Variants in SLC45A4 observed in about 807,000 individuals in gnomAD.
SLC45A4 encodes solute carrier family 45 member 4.
In SLC45A4, 32 loss-of-function variants were observed where a neutral mutation model predicts 63.7. That is an observed-to-expected ratio of 0.50 (90% confidence interval 0.38 to 0.67). SLC45A4 has a LOEUF of 0.67. SLC45A4 is among the 30% of genes least tolerant of loss of function. The pLI, the probability that SLC45A4 is intolerant of heterozygous loss-of-function variation, is 0.00. For synonymous variants in SLC45A4, 535 were observed against 510.0 expected (o/e 1.05, Z -0.66); for missense variants, 1,027 against 1,157.7 (o/e 0.89, Z 1.64).
chr8:141,264,410 C>T (rs1007835227), intron 1 of SLC45A4, among the ~76,000 whole-genome samples: 2 of 152,124 alleles, frequency 1.3e-5, no homozygotes, highest in Admixed American at 6.5e-5. Context: ...TACCTAGCCG[C>T]GGGAGGCAGA....
intron 1 of SLC45A4, among the ~76,000 whole-genome samples, chr8:141,284,898 G>A (rs932650703): frequency 3.3e-5 from 5 of 151,440 alleles, no homozygotes; most frequent in African/African-American, 9.7e-5. Flanking sequence ...TCCCTGCCAC[G>A]GCTGACATTT....
At chr8:141,236,159 C>T (rs1048733989) in intron 2 of SLC45A4, among the ~76,000 whole-genome samples, 9 of 152,268 alleles carry the variant, frequency 5.9e-5, no homozygotes, top group Admixed American at 4.6e-4. Flanking sequence ...CCCCTGCCTG[C>T]GTAGAGCCTG....
intron 1 of SLC45A4, among the ~76,000 whole-genome samples, chr8:141,264,209 A>T (rs1363998603): frequency 6.6e-6 from 1 of 152,080 alleles, no homozygotes; most frequent in Non-Finnish European, 1.5e-5. Context: ...GAGGCCTTGG[A>T]TCCATATGCT....
At chr8:141,228,390 C>T in intron 2 of SLC45A4, 1 of 1,495,132 alleles carries the variant, frequency 6.7e-7, no homozygotes, top group Non-Finnish European at 8.9e-7. Context: ...TGGCCAGACC[C>T]AAGCAGGACG....
intron 1 of SLC45A4, among the ~76,000 whole-genome samples, chr8:141,260,906 G>A (rs1829016330): frequency 6.6e-6 from 1 of 152,160 alleles, no homozygotes; most frequent in Non-Finnish European, 1.5e-5. Flanking sequence ...ACCAAAGCCT[G>A]GCAGAGACAG....
In SLC45A4 at chr8:141,211,184, A is replaced by G. The variant is rs1825781870; in HGVS notation, c.*388T>C. The G allele has an allele frequency of 2.7e-6, 1 of 372,436 alleles. No individual in the cohort carries two copies. Among genetic ancestry groups the G allele is most frequent in the Non-Finnish European group, 4.8e-6 (1 of 208,108 alleles). 23.1% of individuals were successfully genotyped at this position (372,436 alleles called of 1,614,324 possible). A position where few individuals can be genotyped will look rare whatever the true frequency, so the allele number is the denominator to read the frequency against. ...AGGGCCCGCTGGGAGCTCTGCTCTC[A>G]GGAATCCCCAGCAAATGGTTTAGAG... On this transcript the variant is annotated 3_prime_UTR_variant, in exon 9 of 9. Coordinates refer to ENST00000517878, the MANE Select transcript of SLC45A4 (RefSeq NM_001286646.2).
intron 2 of SLC45A4, among the ~76,000 whole-genome samples, chr8:141,232,074 T>G (rs1190029690): frequency 6.6e-6 from 1 of 152,190 alleles, no homozygotes; most frequent in Non-Finnish European, 1.5e-5. Flanking sequence ...GCTCTGCATC[T>G]CTCCTCTGCC....
At position 141,299,770 on chromosome 8, in the gene SLC45A4, GTTC is replaced by G. The variant is rs1156245051; in HGVS notation, c.-401+8323_-401+8325del. ...GAACCAGCTGGACTCTGCTGTACCT[GTTC>G]TTCTTCAGCAGCCAAAACGTTTCTC... On this transcript the variant is annotated intron_variant, in intron 1 of 8. Transcript: ENST00000517878. Among the ~76,000 whole-genome samples the G allele has an allele frequency of 3.9e-5, 6 of 152,330 alleles. No individual in the cohort carries two copies. In the East Asian group the frequency reaches 7.7e-4, roughly 20 times the overall value.
intron 5 of SLC45A4, 118 bp downstream of exon 5, chr8:141,217,893 G>A: frequency 2.4e-6 from 3 of 1,257,938 alleles, no homozygotes; most frequent in South Asian, 2.9e-5. Context: ...GAGGCACTGT[G>A]TGGCCTCCCT....
intron 2 of SLC45A4, among the ~76,000 whole-genome samples, chr8:141,249,911 A>G (rs1200072647): frequency 6.6e-6 from 1 of 152,180 alleles, no homozygotes; most frequent in African/African-American, 2.4e-5. Context: ...ACCTGTAAAA[A>G]TACCTTCTAT....
At chr8:141,269,464 CTGTGTGTG>C (rs10573168) in intron 1 of SLC45A4, among the ~76,000 whole-genome samples, 9 of 147,296 alleles carry the variant, frequency 6.1e-5, no homozygotes, top group Middle Eastern at 3.4e-3. Flanking sequence ...GCCTATGTGT[CTGTGTGTG>C]TGTGTGTGTG....
chr8:141,292,164 G>C (rs1830371711), intron 1 of SLC45A4, among the ~76,000 whole-genome samples: 1 of 152,208 alleles, frequency 6.6e-6, no homozygotes, highest in South Asian at 2.1e-4. Flanking sequence ...AGACAAGCGG[G>C]TGTCCATGCA....
chr8:141,258,042 CTTTT>C (rs1442852095), intron 1 of SLC45A4, among the ~76,000 whole-genome samples: 2 of 148,946 alleles, frequency 1.3e-5, no homozygotes, highest in Non-Finnish European at 3.0e-5. Context: ...GTACATTCTC[CTTTT>C]TTGTTTCTTC....
intron 1 of SLC45A4, among the ~76,000 whole-genome samples, chr8:141,258,082 T>TTA (rs1554597049): frequency 1.2e-3 from 142 of 114,506 alleles, no homozygotes; most frequent in Admixed American, 2.4e-3. Flanking sequence ...TTTTTTTTTT[T>TTA]AACAATCCTT....
Position 141,227,213 on chromosome 8 carries a change from G to A in SLC45A4, c.242-5448C>T, listed in dbSNP as rs1827059114. 6.6e-6 allele frequency among the ~76,000 whole-genome samples: 1 copy of A among 152,208 alleles called. No individual in the cohort carries two copies. Among genetic ancestry groups the A allele is most frequent in the Non-Finnish European group, 1.5e-5 (1 of 68,046 alleles). Reference sequence around the variant, plus strand: ...CACAGGAAATACTGTGTCACCGCTCGGCCGCAGGCTGTGTGAGGTCACGGG... The same window carrying A: ...CACAGGAAATACTGTGTCACCGCTCAGCCGCAGGCTGTGTGAGGTCACGGG... On this transcript the variant is annotated intron_variant, in intron 2 of 8. Coordinates refer to ENST00000517878, the MANE Select transcript of SLC45A4 (RefSeq NM_001286646.2). The surrounding 1 kb of genome is among the most constrained non-coding windows in gnomAD (Gnocchi z 4.4).
chr8:141,299,365 G>C (rs1019052398), intron 1 of SLC45A4, among the ~76,000 whole-genome samples: 1 of 152,238 alleles, frequency 6.6e-6, no homozygotes, highest in Non-Finnish European at 1.5e-5. Context: ...GACTAGACAT[G>C]TTTTCAACAG....
chr8:141,226,759 A>C (rs1481094985), intron 2 of SLC45A4: 2 of 152,224 alleles, frequency 1.3e-5, no homozygotes, highest in African/African-American at 4.8e-5. Context: ...CTGCAAGGAA[A>C]GCTCAAGCCC....
At chr8:141,295,542 G>C (rs1006607441) in intron 1 of SLC45A4, among the ~76,000 whole-genome samples, 10 of 152,222 alleles carry the variant, frequency 6.6e-5, no homozygotes, top group African/African-American at 2.4e-4. Flanking sequence ...CTGCAATGAC[G>C]TGAAGGCATC....
intron 2 of SLC45A4, among the ~76,000 whole-genome samples, chr8:141,245,597 G>A (rs1828150524): frequency 6.6e-6 from 1 of 152,086 alleles, no homozygotes; most frequent in Admixed American, 6.6e-5. Flanking sequence ...AGCATCATAA[G>A]CACACCAAAG....
Sources: gnomAD v4.1 joint callset for allele counts (sites outside exome capture counted in the v4.1 genomes callset) on GRCh38, gnomAD v4.1.1 for gene constraint, Gnocchi (gnomAD v3.1) non-coding constraint, MANE v1.5 for transcripts, NCBI Gene and HGNC (gene_info 2026-07-23, HGNC 2026-07-21) for gene names.